TMTC1: variants seen among roughly 807,000 people sequenced by gnomAD.
TMTC1 encodes protein O-mannosyl-transferase TMTC1.
A neutral mutation model predicts 104.8 loss-of-function variants in TMTC1; 73 were observed. The observed-to-expected ratio is 0.70, with a 90% CI of 0.58 to 0.85. TMTC1 has a LOEUF of 0.85. TMTC1 is among the 40% of genes least tolerant of loss of function. The pLI, the probability that TMTC1 is intolerant of heterozygous loss-of-function variation, is 0.00. For missense variants in TMTC1, 1,035 were observed against 1,096.1 expected (o/e 0.94, Z 0.79); for synonymous variants, 434 against 428.7 (o/e 1.01, Z -0.15).
At chr12:29,670,944 G>GAAAAAGA (rs1940484243) in intron 5 of TMTC1, among the ~76,000 whole-genome samples, 1 of 62,606 alleles carries the variant, frequency 1.6e-5, no homozygotes, top group African/African-American at 5.1e-5. Flanking sequence ...CAAAAAAAAA[G>GAAAAAGA]AAAAAAAAGG....
At chr12:29,722,850 G>A (rs1565793908) in intron 5 of TMTC1, among the ~76,000 whole-genome samples, 1 of 151,308 alleles carries the variant, frequency 6.6e-6, no homozygotes, top group Non-Finnish European at 1.5e-5. Context: ...GAACCCGGGA[G>A]GCAGAGGTTG....
intron 12 of TMTC1, chr12:29,519,444 T>A (rs2136154030): frequency 6.6e-6 from 1 of 152,330 alleles, no homozygotes; most frequent in Middle Eastern, 3.4e-3. Flanking sequence ...TCTGATAGGT[T>A]TCTTCAAAGT....
Position 29,747,075 on chromosome 12 carries a change from T to C in TMTC1, c.938+4591A>G, listed in dbSNP as rs143406234. Among the ~76,000 whole-genome samples the C allele has an allele frequency of 7.8e-3, 1,192 of 152,324 alleles. 21 individuals carry two copies. The highest frequency in any genetic ancestry group is 0.027 in the African/African-American group (1,140 of 41,578). On this transcript the variant is annotated intron_variant, in intron 5 of 17. Transcript: ENST00000539277. ...TGAGCCAAGAACTGTCTTCAATGCC[T>C]ATTGTGGTCATTGTCATTTAAATAT...
chr12:29,517,124 A>G (rs1339291895), intron 14 of TMTC1, among the ~76,000 whole-genome samples: 1 of 152,252 alleles, frequency 6.6e-6, no homozygotes, highest in Non-Finnish European at 1.5e-5. Context: ...CTACATATGC[A>G]TACACAATGG....
At chr12:29,753,275 C>G (rs1204996172) in intron 4 of TMTC1, among the ~76,000 whole-genome samples, 1 of 152,166 alleles carries the variant, frequency 6.6e-6, no homozygotes, top group Non-Finnish European at 1.5e-5. Flanking sequence ...GGGGACATAA[C>G]TTTGTGAAAT....
intron 5 of TMTC1, among the ~76,000 whole-genome samples, chr12:29,672,607 A>G (rs1408567357): frequency 6.6e-6 from 1 of 152,162 alleles, no homozygotes; most frequent in African/African-American, 2.4e-5. Context: ...CACTTTCTCC[A>G]ATCTAGTTTT....
At chr12:29,615,046 T>C (rs1946941581) in intron 6 of TMTC1, among the ~76,000 whole-genome samples, 1 of 152,192 alleles carries the variant, frequency 6.6e-6, no homozygotes, top group African/African-American at 2.4e-5. Context: ...TCCTAAATGT[T>C]CTTTCCAATT....
chr12:29,746,830 C>T (rs1169190258), intron 5 of TMTC1, among the ~76,000 whole-genome samples: 1 of 152,148 alleles, frequency 6.6e-6, no homozygotes, highest in African/African-American at 2.4e-5. Flanking sequence ...ATCTCGCCCA[C>T]AGAAGTAGAA....
chr12:29,758,239 C>T (rs1943262187), intron 3 of TMTC1, among the ~76,000 whole-genome samples: 1 of 152,050 alleles, frequency 6.6e-6, no homozygotes, highest in Admixed American at 6.6e-5. Flanking sequence ...ATTGGAAAAC[C>T]ACAGTCGAGA....
chr12:29,615,833 G>A (rs185441088), intron 6 of TMTC1, among the ~76,000 whole-genome samples: 2 of 152,302 alleles, frequency 1.3e-5, no homozygotes, highest in East Asian at 3.9e-4. Context: ...AAATGTTTTT[G>A]TTGATGCTGT....
intron 5 of TMTC1, among the ~76,000 whole-genome samples, chr12:29,665,827 CAGG>C (rs1940255300): frequency 6.6e-6 from 1 of 152,178 alleles, no homozygotes; most frequent in Middle Eastern, 3.2e-3. Context: ...CACCGTCTCC[CAGG>C]AGATGTCTCA....
chr12:29,770,855 T>C (rs1943580049), intron 1 of TMTC1, among the ~76,000 whole-genome samples: 1 of 152,202 alleles, frequency 6.6e-6, no homozygotes, highest in Non-Finnish European at 1.5e-5. Flanking sequence ...AAGTTCTGAT[T>C]CTGGGAGATA....
At chr12:29,601,672 C>A (rs1946568491) in intron 7 of TMTC1, among the ~76,000 whole-genome samples, 1 of 152,166 alleles carries the variant, frequency 6.6e-6, no homozygotes, top group South Asian at 2.1e-4. Context: ...ACCAGCTATA[C>A]CGCTTGGGGC....
chr12:29,599,615 C>A (rs752433235), intron 7 of TMTC1, among the ~76,000 whole-genome samples: 1 of 152,152 alleles, frequency 6.6e-6, no homozygotes, highest in Non-Finnish European at 1.5e-5. Context: ...GCCAAATCAG[C>A]CCCCTGGGAT....
At position 29,545,145 on chromosome 12, in the gene TMTC1, G is replaced by GT. The variant is rs34797952; in HGVS notation, c.1677-8829dup. On this transcript the variant is annotated intron_variant, in intron 10 of 17. Coordinates refer to ENST00000539277, the MANE Select transcript of TMTC1 (RefSeq NM_001193451.2). ...TTTCTACCAGAAGCCTCACAGATGGGTTTTTTTTTTTCAGCAGAGGCAGGA... is the reference window on the plus strand; with the variant it reads ...TTTCTACCAGAAGCCTCACAGATGGGTTTTTTTTTTTTCAGCAGAGGCAGGA... Among the ~76,000 whole-genome samples, 158 of 150,048 alleles carry GT rather than the reference G, an allele frequency of 1.1e-3. 1 individual carries two copies. In the South Asian group the frequency reaches 0.02, roughly 19 times the overall value.
intron 5 of TMTC1, among the ~76,000 whole-genome samples, chr12:29,694,850 G>T (rs58519956): frequency 0.073 from 11,085 of 152,188 alleles, 689 homozygotes; most frequent in African/African-American, 0.17. Flanking sequence ...TGGGGCAGGA[G>T]AATTGCTTGA....
Position 29,706,269 on chromosome 12 carries a change from G to C in TMTC1, c.938+45397C>G, listed in dbSNP as rs142505045. ...GACCCAGCTATGCAGGAAGAGGAAG[G>C]TTTAGATGGGGAGAGATGTGTGCGT... On this transcript the variant is annotated intron_variant, in intron 5 of 17. Coordinates refer to ENST00000539277, the MANE Select transcript of TMTC1 (RefSeq NM_001193451.2). 2.0e-3 allele frequency among the ~76,000 whole-genome samples: 307 copies of C among 152,290 alleles called. 1 individual carries two copies. The highest frequency in any genetic ancestry group is 7.0e-3 in the African/African-American group (291 of 41,554).
At chr12:29,684,931 G>A (rs188267785) in intron 5 of TMTC1, among the ~76,000 whole-genome samples, 1 of 151,972 alleles carries the variant, frequency 6.6e-6, no homozygotes, top group Non-Finnish European at 1.5e-5. Flanking sequence ...GTTCAGACGT[G>A]GTATGTTGTT....
chr12:29,513,397 ATAACT>A (rs1429967151), intron 16 of TMTC1, among the ~76,000 whole-genome samples: 4 of 152,300 alleles, frequency 2.6e-5, no homozygotes, highest in South Asian at 2.1e-4. Context: ...TTCGTTATAA[ATAACT>A]TAAGAATGAC....
Sources: allele counts gnomAD v4.1 joint callset (sites outside exome capture counted in the v4.1 genomes callset), GRCh38; gene constraint gnomAD v4.1.1; transcripts MANE v1.5; gene names NCBI Gene and HGNC (gene_info 2026-07-23, HGNC 2026-07-21).